REPS1: variants seen among roughly 807,000 people sequenced by gnomAD.
REPS1 encodes the protein RALBP1 associated Eps domain containing 1.
A neutral mutation model predicts 100.9 loss-of-function variants in REPS1; 39 were observed. That is an observed-to-expected ratio of 0.39 (90% CI 0.30 to 0.50). The LOEUF (loss-of-function observed/expected upper bound fraction) is 0.50. Among genes scored for constraint, REPS1 ranks in the 20% least tolerant of loss-of-function variants. The pLI is 0.86. For missense variants in REPS1, 821 were observed against 968.5 expected, an observed-to-expected ratio of 0.85 and a Z score of 2.02; for synonymous variants, 324 against 340.3, an observed-to-expected ratio of 0.95 and a Z score of 0.53.
At chr6:138,908,874 C>CT (rs1779834265) in intron 17 of REPS1, 58 bp from the exon 18 acceptor site, 1 of 1,495,158 alleles carries the variant, frequency 6.7e-7, no homozygotes, top group South Asian at 1.2e-5. Context: ...ATAGTTAGCA[C>CT]TTTGCAACAC....
intron 17 of REPS1, among the ~76,000 whole-genome samples, chr6:138,910,744 G>T (rs1327569143): frequency 6.6e-6 from 1 of 152,162 alleles, no homozygotes; most frequent in Admixed American, 6.5e-5. Context: ...TATAAGGATT[G>T]ACAGATGAAC....
At chr6:138,905,916 T>A (rs1480370046) in intron 19 of REPS1, among the ~76,000 whole-genome samples, 1 of 152,278 alleles carries the variant, frequency 6.6e-6, no homozygotes, top group African/African-American at 2.4e-5. Flanking sequence ...AGCCACCATA[T>A]TCTAACTTAC....
intron 11 of REPS1, 69 bp from the exon 12 acceptor site, chr6:138,920,385 A>T (rs1418157153): frequency 1.5e-6 from 1 of 670,316 alleles, no homozygotes; most frequent in Non-Finnish European, 2.5e-6. Flanking sequence ...TAAAGCTCAG[A>T]GTGTAAGACT....
At chr6:138,921,607 C>T (rs1417045202) in intron 10 of REPS1, among the ~76,000 whole-genome samples, 3 of 111,502 alleles carry the variant, frequency 2.7e-5, no homozygotes, top group African/African-American at 1.0e-4. Flanking sequence ...GATGGAGTCT[C>T]GCTCTGTTGC....
intron 1 of REPS1, among the ~76,000 whole-genome samples, chr6:138,951,512 A>AT (rs1783038638): frequency 6.6e-6 from 1 of 152,188 alleles, no homozygotes; most frequent in South Asian, 2.1e-4. Context: ...TTTATAAAAT[A>AT]TTTTAACCAC....
chr6:138,929,961 G>C lies in REPS1; in HGVS notation c.1257+16C>G, dbSNP rs1426115157. 3 of 1,610,182 alleles carry C rather than the reference G, an allele frequency of 1.9e-6. No individual in the cohort carries two copies. In the African/African-American group the frequency reaches 4.0e-5, roughly 22 times the overall value. On this transcript the variant is annotated intron_variant, in intron 9 of 19. Transcript: ENST00000450536. ...AGAGTTAACTTTTAATGAAAGAAAAGGAAAGCTTTGCTAACCTCACTGCTC... is the reference window on the plus strand; with the variant it reads ...AGAGTTAACTTTTAATGAAAGAAAACGAAAGCTTTGCTAACCTCACTGCTC...
Position 138,957,412 on chromosome 6 carries a change from T to A in REPS1, c.154-9499A>T, listed in dbSNP as rs1231438156. ...ATCCAGAGAGTTCTAAGTAAAAAAA[T>A]TTTCAACCTAGAATTCTATCCAAAC... On this transcript the variant is annotated intron_variant, in intron 1 of 19. Coordinates refer to ENST00000450536, the MANE Select transcript of REPS1 (RefSeq NM_001286611.2). 2.6e-5 allele frequency among the ~76,000 whole-genome samples: 4 copies of A among 152,002 alleles called. No homozygotes were observed. In the South Asian group the frequency reaches 8.3e-4, roughly 32 times the overall value.
chr6:138,974,182 C>T (rs1247681222), intron 1 of REPS1, among the ~76,000 whole-genome samples: 1 of 152,120 alleles, frequency 6.6e-6, no homozygotes, highest in South Asian at 2.1e-4. Context: ...AGGAATTCAA[C>T]AGATCCATCC....
intron 17 of REPS1, 46 bp downstream of exon 17, chr6:138,911,230 T>A: frequency 8.1e-7 from 1 of 1,238,410 alleles, no homozygotes; most frequent in Non-Finnish European, 1.2e-6. Flanking sequence ...TATTTCACAT[T>A]ACTTATGATG....
At chr6:138,907,648 C>T in intron 18 of REPS1, 48 bp from the exon 19 acceptor site, 1 of 1,132,124 alleles carries the variant, frequency 8.8e-7, no homozygotes, top group Non-Finnish European at 1.3e-6. Context: ...CATTTCTTAT[C>T]TTAAATCCTC....
chr6:138,908,511 G>C (rs1197910778), intron 18 of REPS1, among the ~76,000 whole-genome samples, 157 bp downstream of exon 18: 2 of 152,122 alleles, frequency 1.3e-5, no homozygotes, highest in Admixed American at 6.6e-5. Flanking sequence ...TGGTCAGGCT[G>C]GTCTAACTCC....
At chr6:138,940,284 A>G (rs370532155) in intron 8 of REPS1, among the ~76,000 whole-genome samples, 20 of 152,370 alleles carry the variant, frequency 1.3e-4, no homozygotes, top group African/African-American at 4.8e-4. Flanking sequence ...TTAAAAGTAT[A>G]AAATTCTTTC....
Position 138,988,251 on chromosome 6 carries a change from G to A in REPS1, c.-569C>T. 1 of 398,028 alleles carries A rather than the reference G, an allele frequency of 2.5e-6. No homozygotes were observed. 24.7% of individuals were successfully genotyped at this position (398,028 alleles called of 1,614,324 possible). On this transcript the variant is annotated 5_prime_UTR_variant, in exon 1 of 20. Transcript: ENST00000450536. ...GCCCCGACGCGCCCGCACCAACAGT[G>A]ACAGCGGCGGCCGCGCTCCAGACCC...
At chr6:138,917,685 C>A in intron 12 of REPS1, 58 bp from the exon 13 acceptor site, 1 of 1,372,038 alleles carries the variant, frequency 7.3e-7, no homozygotes, top group Non-Finnish European at 1.0e-6. Flanking sequence ...TTTGCTCTAT[C>A]TACTCCAAAC....
chr6:138,965,560 T>C lies in REPS1; in HGVS notation c.154-17647A>G, dbSNP rs112367816. ...CACTATCGTATACTTAGGGTGATCA[T>C]AAAATTTACATCCAAACTGAGACAT... On this transcript the variant is annotated intron_variant, in intron 1 of 19. Coordinates refer to ENST00000450536, the MANE Select transcript of REPS1 (RefSeq NM_001286611.2). 6.2e-3 allele frequency among the ~76,000 whole-genome samples: 943 copies of C among 152,284 alleles called. 9 individuals are homozygous for C. The highest frequency in any genetic ancestry group is 0.022 in the African/African-American group (895 of 41,560).
intron 11 of REPS1, 93 bp downstream of exon 11, chr6:138,920,944 A>T: frequency 1.2e-6 from 1 of 867,990 alleles, no homozygotes; most frequent in Non-Finnish European, 1.9e-6. Context: ...AGCTTAAAAA[A>T]TAAGCGATGA....
rs1333340596 is a variant in REPS1 at position 138,907,317 on chromosome 6, T to A, written c.2322+178A>T. The A allele has an allele frequency of 4.8e-3, 1,422 of 297,366 alleles. 16 individuals carry two copies. Among genetic ancestry groups the A allele is most frequent in the African/African-American group, 0.032 (1,230 of 38,708 alleles). The allele number at this position is 297,366 out of a possible 1,614,324, so 18.4% of individuals were successfully genotyped here. ...CTCTTTAAAAAAAAAAAAAAAAGTG[T>A]GTGTGTGTGTGTGTGTGTGTGTGGC... On this transcript the variant is annotated intron_variant, in intron 19 of 19. Transcript: ENST00000450536.
At chr6:138,982,471 T>C (rs754812940) in intron 1 of REPS1, among the ~76,000 whole-genome samples, 30 of 152,228 alleles carry the variant, frequency 2.0e-4, no homozygotes, top group South Asian at 6.2e-4. Context: ...TTTAAGACAT[T>C]TCCCAAAACA....
intron 8 of REPS1, among the ~76,000 whole-genome samples, chr6:138,939,208 G>A (rs1244503189): frequency 6.6e-6 from 1 of 152,134 alleles, no homozygotes; most frequent in Non-Finnish European, 1.5e-5. Flanking sequence ...AAGCAGATTT[G>A]AATGTAATAT....
Sources: allele counts gnomAD v4.1 joint callset (sites outside exome capture counted in the v4.1 genomes callset), GRCh38; gene constraint gnomAD v4.1.1; transcripts MANE v1.5; gene names NCBI Gene and HGNC (gene_info 2026-07-23, HGNC 2026-07-21).